The following DOCK1 variants were observed in gnomAD, a reference collection of about 807,000 sequenced individuals.
The protein encoded by DOCK1 is dedicator of cytokinesis protein 1.
In DOCK1, 138 loss-of-function variants were observed where a neutral mutation model predicts 262.7. The ratio of observed to expected loss-of-function variants is 0.53; its 90% CI spans 0.46 to 0.61. The LOEUF (loss-of-function observed/expected upper bound fraction) is 0.61. Among genes scored for constraint, DOCK1 ranks in the 20% least tolerant of loss-of-function variants. DOCK1 has a pLI of 0.00. For synonymous variants in DOCK1, 866 were observed against 867.4 expected (o/e 1.00, Z 0.03); for missense variants, 1,908 against 2,370.7 (o/e 0.80, Z 4.05).
intron 2 of DOCK1, among the ~76,000 whole-genome samples, chr10:126,972,071 TG>T (rs1406509642): frequency 6.6e-6 from 1 of 152,008 alleles, no homozygotes; most frequent in Non-Finnish European, 1.5e-5. Context: ...CATGTGTCAC[TG>T]TACCCACCTA....
intron 1 of DOCK1, among the ~76,000 whole-genome samples, chr10:126,924,657 C>T (rs1438075014): frequency 6.6e-6 from 1 of 152,214 alleles, no homozygotes; most frequent in Non-Finnish European, 1.5e-5. Context: ...TCCAGAAGAA[C>T]AGAAAATGAA....
At position 127,349,929 on chromosome 10, in the gene DOCK1, G is replaced by A. The variant is rs181558870; in HGVS notation, c.3225-4740G>A. On this transcript the variant is annotated intron_variant, in intron 31 of 51. Transcript: ENST00000623213. ...TGGATCTAGAGGCCACTCTACTCCA[G>A]TATGACTTCATCTTACCTTGAGTAC... is the stretch of plus-strand genomic sequence containing the variant. 2.0e-4 allele frequency among the ~76,000 whole-genome samples: 30 copies of A among 152,228 alleles called. No individual in the cohort carries two copies. In the East Asian group the frequency reaches 2.7e-3, roughly 14 times the overall value.
intron 27 of DOCK1, among the ~76,000 whole-genome samples, chr10:127,164,319 G>GAT (rs1271285437): frequency 6.6e-6 from 1 of 151,616 alleles, no homozygotes; most frequent in Non-Finnish European, 1.5e-5. Flanking sequence ...GAGCAGCTGA[G>GAT]ATTACAGGTG....
chr10:126,911,405 A>G (rs2031740665), intron 1 of DOCK1, among the ~76,000 whole-genome samples: 1 of 152,178 alleles, frequency 6.6e-6, no homozygotes, highest in African/African-American at 2.4e-5. Flanking sequence ...TGTCCAGTGT[A>G]TTCAGGGAAG....
intron 27 of DOCK1, among the ~76,000 whole-genome samples, chr10:127,194,983 G>C (rs1022351383): frequency 1.8e-5 from 2 of 111,362 alleles, no homozygotes; most frequent in Non-Finnish European, 3.7e-5. Flanking sequence ...GAGGGGTCCG[G>C]GCGGGAGCCC....
At position 126,987,530 on chromosome 10, in the gene DOCK1, A is replaced by C. The variant is rs1216288822; in HGVS notation, c.237A>C (p.Glu79Asp). 1 of 1,577,778 alleles carries C rather than the reference A, an allele frequency of 6.3e-7. No individual in the cohort carries two copies. Among genetic ancestry groups the C allele is most frequent in the East Asian group, 2.3e-5 (1 of 42,998 alleles). Residue 79 changes from glutamate (E) to aspartate (D), a missense_variant, in exon 5 of 52, where the codon GAA becomes GAC. Glu to Asp is a conservative substitution (Grantham distance 45). This residue lies in a region of DOCK1 where 227 missense variants were observed against 254.1 expected (regional missense o/e 0.89). Coordinates refer to ENST00000623213, the MANE Select transcript of DOCK1 (RefSeq NM_001290223.2). ...EAIVEGKGQH[E>D]TVIPGDLPLI... ...CCTTCTTTCCTCCCAGGCAACATGAAACAGTCATCCCGGGTGACCTCCCCC... is the reference window on the plus strand; with the variant it reads ...CCTTCTTTCCTCCCAGGCAACATGACACAGTCATCCCGGGTGACCTCCCCC...
intron 35 of DOCK1, among the ~76,000 whole-genome samples, chr10:127,375,669 A>C (rs1284606130): frequency 6.6e-6 from 1 of 152,200 alleles, no homozygotes; most frequent in Non-Finnish European, 1.5e-5. Context: ...TCACAGCTGA[A>C]AGCTCATGAG....
chr10:126,976,878 G>T (rs865854632), intron 2 of DOCK1, among the ~76,000 whole-genome samples: 1 of 151,988 alleles, frequency 6.6e-6, no homozygotes, highest in Non-Finnish European at 1.5e-5. Context: ...TGATCATAGG[G>T]GCTTACCACC....
intron 48 of DOCK1, 116 bp from the exon 49 acceptor site, chr10:127,438,911 T>A: frequency 8.6e-7 from 1 of 1,159,494 alleles, no homozygotes; most frequent in South Asian, 1.6e-5. Context: ...TGGCCTCCCT[T>A]TTAAATCACT....
In DOCK1 at chr10:127,181,220, G is replaced by A. The variant is rs924317698; in HGVS notation, c.2847+53456G>A. Among the ~76,000 whole-genome samples, 26 of 152,232 alleles carry A rather than the reference G, an allele frequency of 1.7e-4. 1 individual carries two copies. The highest frequency in any genetic ancestry group is 1.5e-5 in the Non-Finnish European group (1 of 68,042). On this transcript the variant is annotated intron_variant, in intron 27 of 51. Transcript: ENST00000623213. ...CGTGCCTGCGTATGTATTTGGCTAT[G>A]TATAGTTAAATGTTTAGCAGAAGAT... is the stretch of plus-strand genomic sequence containing the variant.
At chr10:127,320,065 GC>G (rs1430123839) in intron 29 of DOCK1, among the ~76,000 whole-genome samples, 1 of 152,164 alleles carries the variant, frequency 6.6e-6, no homozygotes, top group Non-Finnish European at 1.5e-5. Context: ...AGAAGCCAGA[GC>G]CCTTGTGCAC....
At chr10:127,040,468 C>T (rs540481174) in intron 19 of DOCK1, among the ~76,000 whole-genome samples, 13 of 152,218 alleles carry the variant, frequency 8.5e-5, no homozygotes, top group East Asian at 5.8e-4. Context: ...CCAAAGGAAA[C>T]GGATGAGGCT....
At chr10:127,361,893 A>G (rs986706060) in intron 32 of DOCK1, among the ~76,000 whole-genome samples, 171 bp from the exon 33 acceptor site, 3 of 152,168 alleles carry the variant, frequency 2.0e-5, no homozygotes, top group Non-Finnish European at 4.4e-5. Context: ...TTCTTATACT[A>G]ATGGCTGGGA....
In DOCK1 at chr10:127,448,550, G is replaced by A. The variant is rs568720193; in HGVS notation, c.5565+1005G>A. The stretch of plus-strand genomic sequence containing the variant: ...ATGAGTGGGATGGAGGCGGGCGAGC[G>A]ATTGACTCAGCCACGGCGGGAACTT... On this transcript the variant is annotated intron_variant, in intron 51 of 51. Coordinates refer to ENST00000623213, the MANE Select transcript of DOCK1 (RefSeq NM_001290223.2). Among the ~76,000 whole-genome samples, 62 of 152,260 alleles carry A rather than the reference G, an allele frequency of 4.1e-4. No individual in the cohort carries two copies. The South Asian group carries it at 9.5e-3, about 23-fold the overall frequency.
At chr10:127,061,844 A>T in intron 23 of DOCK1, 68 bp downstream of exon 23, 3 of 1,222,248 alleles carry the variant, frequency 2.5e-6, no homozygotes, top group Non-Finnish European at 2.2e-6. Flanking sequence ...TTTTGGAGGT[A>T]GGTATTTTGA....
At chr10:127,093,655 CT>C (rs925663853) in intron 23 of DOCK1, among the ~76,000 whole-genome samples, 40 of 146,550 alleles carry the variant, frequency 2.7e-4, no homozygotes, top group Middle Eastern at 3.6e-3. Flanking sequence ...CACCCATGGC[CT>C]TTTTTTTTTT....
At chr10:126,909,592 G>A (rs2031459186) in intron 1 of DOCK1, among the ~76,000 whole-genome samples, 1 of 152,168 alleles carries the variant, frequency 6.6e-6, no homozygotes, top group Non-Finnish European at 1.5e-5. Flanking sequence ...ACTTCCAAGT[G>A]CAGCTCTCAA....
At chr10:127,196,912 C>T (rs2057214015) in intron 27 of DOCK1, among the ~76,000 whole-genome samples, 1 of 152,218 alleles carries the variant, frequency 6.6e-6, no homozygotes, top group South Asian at 2.1e-4. Flanking sequence ...CGTGTGTTCT[C>T]TCAGGGATGG....
intron 30 of DOCK1, among the ~76,000 whole-genome samples, chr10:127,342,978 C>G (rs1270961243): frequency 2.6e-5 from 4 of 152,104 alleles, no homozygotes; most frequent in Non-Finnish European, 1.5e-5. Context: ...GGCATGGTGG[C>G]TCACACTTGT....
Sources: gnomAD v4.1 joint callset for allele counts (sites outside exome capture counted in the v4.1 genomes callset) on GRCh38, gnomAD v4.1.1 for gene constraint, gnomAD v4.1.1 regional missense constraint, MANE v1.5 for transcripts, NCBI Gene and HGNC (gene_info 2026-07-23, HGNC 2026-07-21) for gene names.